PRKCE: variants seen among roughly 807,000 people sequenced by gnomAD.
PRKCE encodes the protein protein kinase C epsilon.
PRKCE carries 16 observed loss-of-function variants against 85.4 expected under a neutral mutation model. The observed-to-expected ratio is 0.19, with a 90% CI of 0.13 to 0.28. PRKCE has a LOEUF of 0.28. Among genes scored for constraint, PRKCE ranks in the 10% least tolerant of loss-of-function variants. The pLI, the probability that PRKCE is intolerant of heterozygous loss-of-function variation, is 1.00. For synonymous variants in PRKCE, 388 were observed against 371.5 expected (o/e 1.04, Z -0.51); for missense variants, 573 against 975.2 (o/e 0.59, Z 5.49).
At chr2:45,912,607 A>G (rs1171866088) in intron 2 of PRKCE, among the ~76,000 whole-genome samples, 1 of 152,126 alleles carries the variant, frequency 6.6e-6, no homozygotes, top group African/African-American at 2.4e-5. Flanking sequence ...GGCTGGAAGG[A>G]GCCAACCTGG....
intron 10 of PRKCE, among the ~76,000 whole-genome samples, chr2:46,044,513 C>T (rs752663247): frequency 6.6e-6 from 1 of 152,116 alleles, no homozygotes; most frequent in Non-Finnish European, 1.5e-5. Context: ...TGATGTGGTC[C>T]CATTTTTGCA....
At chr2:46,012,786 T>C (rs897734076) in intron 10 of PRKCE, among the ~76,000 whole-genome samples, 4 of 152,198 alleles carry the variant, frequency 2.6e-5, no homozygotes, top group Non-Finnish European at 5.9e-5. Context: ...CCTTTGTGCG[T>C]TGTAGAATAA....
intron 10 of PRKCE, among the ~76,000 whole-genome samples, chr2:46,038,329 A>G (rs1708002312): frequency 6.6e-6 from 1 of 152,070 alleles, no homozygotes; most frequent in South Asian, 2.1e-4. Flanking sequence ...TGAGTGTGAC[A>G]TTTGAATAAA....
intron 10 of PRKCE, among the ~76,000 whole-genome samples, chr2:46,053,423 A>G (rs1299783993): frequency 6.6e-6 from 1 of 152,216 alleles, no homozygotes; most frequent in Non-Finnish European, 1.5e-5. Flanking sequence ...AAAGTTATGC[A>G]TCCGTCACCA....
chr2:45,661,471 A>G (rs1185069910), intron 1 of PRKCE, among the ~76,000 whole-genome samples: 1 of 147,224 alleles, frequency 6.8e-6, no homozygotes, highest in African/African-American at 2.5e-5. Context: ...AAGAGAAGTG[A>G]GCCACTGCGC....
At chr2:45,970,242 CT>C (rs942602984) in intron 2 of PRKCE, among the ~76,000 whole-genome samples, 2 of 152,086 alleles carry the variant, frequency 1.3e-5, no homozygotes, top group African/African-American at 4.8e-5. Flanking sequence ...AAATTGGTTA[CT>C]TTTTTAGGTA....
chr2:45,976,619 C>T, intron 3 of PRKCE, 31 bp downstream of exon 3: 8 of 1,593,236 alleles, frequency 5.0e-6, no homozygotes, highest in Non-Finnish European at 6.8e-6. Flanking sequence ...CCTCTAATTA[C>T]AACATCTCTG....
intron 2 of PRKCE, among the ~76,000 whole-genome samples, chr2:45,943,485 C>A (rs1167222835): frequency 6.6e-6 from 1 of 152,248 alleles, no homozygotes; most frequent in African/African-American, 2.4e-5. Flanking sequence ...TGGACTTGAT[C>A]TTGCAGGTTA....
intron 14 of PRKCE, among the ~76,000 whole-genome samples, chr2:46,181,568 G>T (rs1293037246): frequency 6.6e-6 from 1 of 152,202 alleles, no homozygotes; most frequent in Admixed American, 6.5e-5. Flanking sequence ...TATTGACTGA[G>T]CCTGGTTCCC....
intron 2 of PRKCE, among the ~76,000 whole-genome samples, chr2:45,882,467 C>T (rs2105818910): frequency 6.6e-6 from 1 of 152,316 alleles, no homozygotes; most frequent in East Asian, 1.9e-4. Flanking sequence ...ACTGGGTCCT[C>T]CTCCATTGCT....
chr2:45,810,331 G>C (rs1012224958), intron 1 of PRKCE, among the ~76,000 whole-genome samples: 1 of 151,974 alleles, frequency 6.6e-6, no homozygotes, highest in African/African-American at 2.4e-5. Context: ...GTGAACCACC[G>C]CGCCCAGCCA....
intron 1 of PRKCE, among the ~76,000 whole-genome samples, chr2:45,691,856 G>A (rs981691579): frequency 6.6e-6 from 1 of 152,206 alleles, no homozygotes; most frequent in African/African-American, 2.4e-5. Context: ...GCATTTCCAT[G>A]AGGCATGGGA....
intron 6 of PRKCE, among the ~76,000 whole-genome samples, chr2:45,992,434 C>A (rs1703878617): frequency 6.6e-6 from 1 of 152,168 alleles, no homozygotes; most frequent in South Asian, 2.1e-4. Context: ...AGGGGGGCAT[C>A]CCTCTTACCT....
intron 1 of PRKCE, among the ~76,000 whole-genome samples, chr2:45,719,110 C>A (rs1680394997): frequency 6.6e-6 from 1 of 152,214 alleles, no homozygotes; most frequent in African/African-American, 2.4e-5. Context: ...GTTGAGAAGG[C>A]TCGAGGCATC....
At position 45,899,921 on chromosome 2, in the gene PRKCE, A is replaced by AAT. The variant is rs1696450294; in HGVS notation, c.412+56860_412+56861dup. ...CATGAAGGGGCTCTAAATATCCAGAAATAAATCTTTCTTCTACTAGCCCGG... is the reference window on the plus strand; with the variant it reads ...CATGAAGGGGCTCTAAATATCCAGAAATATAAATCTTTCTTCTACTAGCCCGG... On this transcript the variant is annotated intron_variant, in intron 2 of 14. Transcript: ENST00000306156. Among the ~76,000 whole-genome samples the AAT allele has an allele frequency of 2.0e-5, 3 of 152,192 alleles. No homozygotes were observed. The South Asian group carries it at 6.2e-4, about 31-fold the overall frequency.
At chr2:46,035,831 C>T (rs367875265) in intron 10 of PRKCE, among the ~76,000 whole-genome samples, 1 of 152,198 alleles carries the variant, frequency 6.6e-6, no homozygotes, top group African/African-American at 2.4e-5. Context: ...ACATGCAAGG[C>T]ACAGTCCTAA....
intron 1 of PRKCE, among the ~76,000 whole-genome samples, chr2:45,730,196 C>G (rs1187312174): frequency 3.3e-5 from 5 of 152,190 alleles, no homozygotes; most frequent in Non-Finnish European, 5.9e-5. Flanking sequence ...GGGTTCCGCT[C>G]TGTCACCCAG....
intron 6 of PRKCE, among the ~76,000 whole-genome samples, chr2:45,989,871 T>C (rs1703651291): frequency 6.6e-6 from 1 of 152,196 alleles, no homozygotes; most frequent in African/African-American, 2.4e-5. Flanking sequence ...AAGTTAGATA[T>C]ATATTAAAAA....
rs1305640830 is a variant in PRKCE, at chr2:45,946,553, G to T, written c.413-29876G>T. 2.6e-5 allele frequency among the ~76,000 whole-genome samples: 4 copies of T among 152,186 alleles called. No individual in the cohort carries two copies. The South Asian group carries it at 6.2e-4, about 24-fold the overall frequency. On this transcript the variant is annotated intron_variant, in intron 2 of 14. Transcript: ENST00000306156. ...TCTTGTTCAAACAAGGTCAACGATGGTGAGAATCCCCCTGCCAGCTCATTG... is the reference window on the plus strand; with the variant it reads ...TCTTGTTCAAACAAGGTCAACGATGTTGAGAATCCCCCTGCCAGCTCATTG...
Sources: allele counts gnomAD v4.1 joint callset (sites outside exome capture counted in the v4.1 genomes callset), GRCh38; gene constraint gnomAD v4.1.1; transcripts MANE v1.5; gene names NCBI Gene and HGNC (gene_info 2026-07-23, HGNC 2026-07-21).